STRA6: variants seen among roughly 807,000 people sequenced by gnomAD.
STRA6 encodes the protein receptor for retinol uptake STRA6.
STRA6 carries 48 observed loss-of-function variants against 83.6 expected under a neutral mutation model. The observed-to-expected ratio is 0.57, with a 90% CI of 0.46 to 0.73. The LOEUF is 0.73. Ranked by LOEUF, STRA6 falls within the 30% of genes least tolerant of loss-of-function variation. STRA6 has a pLI of 0.00. For missense variants in STRA6, 760 were observed against 838.8 expected, an observed-to-expected ratio of 0.91 and a Z score of 1.16; for synonymous variants, 353 against 362.3, an observed-to-expected ratio of 0.97 and a Z score of 0.29.
upstream of STRA6, among the ~76,000 whole-genome samples, chr15:74,207,151 C>T (rs973785042): frequency 6.6e-6 from 1 of 152,174 alleles, no homozygotes. Context: ...AGCAGAGGCC[C>T]ACGTGCATTT....
At chr15:74,180,965 TG>T in intron 17 of STRA6, 28 bp from the exon 18 acceptor site, 1 of 1,612,306 alleles carries the variant, frequency 6.2e-7, no homozygotes. Context: ...ATGGCAATGC[TG>T]GGGGAGCAGG....
upstream of STRA6, chr15:74,209,452 C>T (rs1595871506): frequency 6.5e-7 from 1 of 1,535,466 alleles, no homozygotes; most frequent in African/African-American, 1.4e-5. Context: ...ACCGGATCTG[C>T]ATCCTGCTGC....
intron 11 of STRA6, 24 bp from the exon 12 acceptor site, chr15:74,189,301 C>A (rs764042759): frequency 4.9e-5 from 77 of 1,574,616 alleles, no homozygotes; most frequent in Non-Finnish European, 2.6e-6. Flanking sequence ...ACAGTGAGGG[C>A]CCCATCCCAG....
At chr15:74,197,212 T>C (rs988394610) in intron 4 of STRA6, 126 bp downstream of exon 4, 4 of 695,122 alleles carry the variant, frequency 5.8e-6, no homozygotes, top group South Asian at 5.2e-5. Context: ...AGCTCCAGGC[T>C]GAGGGCGATA....
At chr15:74,208,118 C>G in intron 1 of STRA6, 1 of 1,089,080 alleles carries the variant, frequency 9.2e-7, no homozygotes, top group Non-Finnish European at 1.1e-6. Flanking sequence ...GGAGGGTAGC[C>G]GGCTGTGCCA....
At chr15:74,203,321 G>T, upstream of STRA6, 1 of 491,492 alleles carries the variant, frequency 2.0e-6, no homozygotes, top group Non-Finnish European at 2.6e-6. Context: ...AGCCCCGCCT[G>T]CCTCCTGCTC....
chr15:74,198,170 G>C (rs187369250), intron 2 of STRA6, among the ~76,000 whole-genome samples: 1 of 151,538 alleles, frequency 6.6e-6, no homozygotes, highest in African/African-American at 2.4e-5. Flanking sequence ...GCAGTGGCTC[G>C]ATCTCGGCTT....
At chr15:74,196,320 T>C in intron 4 of STRA6, 173 bp from the exon 5 acceptor site, 5 of 1,079,276 alleles carry the variant, frequency 4.6e-6, no homozygotes, top group Non-Finnish European at 6.7e-6. Flanking sequence ...GCCTCTTATC[T>C]ACCAAGCTCT....
At chr15:74,181,251 T>A (rs1272969870) in intron 17 of STRA6, 44 bp downstream of exon 17, 1 of 1,608,570 alleles carries the variant, frequency 6.2e-7, no homozygotes, top group Non-Finnish European at 8.5e-7. Context: ...TCCTCACTGC[T>A]TGGGTAGCCT....
At chr15:74,196,173 G>A in intron 4 of STRA6, 26 bp from the exon 5 acceptor site, 1 of 1,612,514 alleles carries the variant, frequency 6.2e-7, no homozygotes, top group Non-Finnish European at 8.5e-7. Flanking sequence ...GGACAGGGCA[G>A]GAGGGAGTTG....
intron 12 of STRA6, among the ~76,000 whole-genome samples, chr15:74,186,898 C>T (rs1273309555): frequency 1.3e-5 from 2 of 152,226 alleles, no homozygotes; most frequent in Admixed American, 6.5e-5. Context: ...CCAGGTGCTT[C>T]CCAGATTCAG....
At position 74,179,897 on chromosome 15, in the gene STRA6, G is replaced by T. The variant is rs930424834; in HGVS notation, c.*183C>A. 1 of 757,510 alleles carries T rather than the reference G, an allele frequency of 1.3e-6. No homozygotes were observed. Among genetic ancestry groups the T allele is most frequent in the Non-Finnish European group, 2.1e-6 (1 of 475,672 alleles). The allele number at this position is 757,510 out of a possible 1,614,324, so 46.9% of individuals were successfully genotyped here. On this transcript the variant is annotated 3_prime_UTR_variant, in exon 19 of 19. Transcript: ENST00000395105. ...CCTGCTGGCTCTCCCATAGCCAAGTGGGTGGAGCAGAGCCCTCCTGAGGCT... is the reference window on the plus strand; with the variant it reads ...CCTGCTGGCTCTCCCATAGCCAAGTTGGTGGAGCAGAGCCCTCCTGAGGCT...
Position 74,191,421 on chromosome 15 carries a change from C to G in STRA6, c.788+3G>C. 1 of 1,614,118 alleles carries G rather than the reference C, an allele frequency of 6.2e-7. No individual in the cohort carries two copies. Among genetic ancestry groups the G allele is most frequent in the Non-Finnish European group, 8.5e-7 (1 of 1,179,984 alleles). ...CCCACAAAGGGTGTGTCAGAGACCC[C>G]ACCTGCTTCCCAGCTTCTTCCTGCA... On this transcript the variant is annotated splice_donor_region_variant and intron_variant, in intron 9 of 18. Transcript: ENST00000395105.
intron 12 of STRA6, 96 bp from the exon 13 acceptor site, chr15:74,185,151 T>TC: frequency 8.2e-7 from 1 of 1,221,954 alleles, no homozygotes; most frequent in African/African-American, 1.5e-5. Flanking sequence ...TGTGGGGAGT[T>TC]CCCCCTGCCC....
intron 1 of STRA6, 109 bp from the exon 2 acceptor site, chr15:74,202,391 C>T: frequency 6.5e-7 from 1 of 1,543,792 alleles, no homozygotes; most frequent in Non-Finnish European, 8.7e-7. Flanking sequence ...AAACATTTCT[C>T]TTTAATCCTG....
In STRA6 at chr15:74,191,453, GTTCCTCAGATA is replaced by G. The variant is rs1437614565; in HGVS notation, c.748_758del (p.Tyr250ProfsTer246). ...TTCCCAGCTTCTTCCTGCAAAGGAG[GTTCCTCAGATA>G]TTCCTCAGAGTAGCTGCTCTGCAGC... On this transcript the variant is annotated frameshift_variant, in exon 9 of 19. Coordinates refer to ENST00000395105, the MANE Select transcript of STRA6 (RefSeq NM_022369.4). LOFTEE classifies it high-confidence loss of function. 1 of 1,614,194 alleles carries G rather than the reference GTTCCTCAGATA, an allele frequency of 6.2e-7. No homozygotes were observed. Among genetic ancestry groups the G allele is most frequent in the Non-Finnish European group, 8.5e-7 (1 of 1,180,028 alleles).
At chr15:74,198,734 C>T (rs2073931889) in intron 2 of STRA6, among the ~76,000 whole-genome samples, 1 of 152,178 alleles carries the variant, frequency 6.6e-6, no homozygotes, top group Non-Finnish European at 1.5e-5. Flanking sequence ...ACCCTGCTCA[C>T]CAAACCCAGC....
chr15:74,191,161 C>A lies in STRA6; in HGVS notation c.865+6G>T, dbSNP rs2073514436. The A allele has an allele frequency of 1.2e-6, 2 of 1,613,948 alleles. No homozygotes were observed. The highest frequency in any genetic ancestry group is 2.7e-5 in the African/African-American group (2 of 75,020). The stretch of plus-strand genomic sequence containing the variant: ...TCACGCTCGGCCTCAGCTCCCAACC[C>A]CATACCTGGCTGTGGAGTGTAGATG... On this transcript the variant is annotated splice_donor_region_variant and intron_variant, in intron 10 of 18. Coordinates refer to ENST00000395105, the MANE Select transcript of STRA6 (RefSeq NM_022369.4).
chr15:74,208,883 A>G, exon 1 of STRA6: 1 of 989,214 alleles, frequency 1.0e-6, no homozygotes. Context: ...TTGTCCCTCC[A>G]GGCAAGCAGG....
Sources: gnomAD v4.1 joint callset for allele counts (sites outside exome capture counted in the v4.1 genomes callset) on GRCh38, gnomAD v4.1.1 for gene constraint, MANE v1.5 for transcripts, NCBI Gene and HGNC (gene_info 2026-07-23, HGNC 2026-07-21) for gene names.